The following VEGFC variants were observed in gnomAD, a reference collection of about 807,000 sequenced individuals.
The protein encoded by VEGFC is vascular endothelial growth factor C.
A neutral mutation model predicts 46.1 loss-of-function variants in VEGFC; 12 were observed. The ratio of observed to expected loss-of-function variants is 0.26; its 90% confidence interval spans 0.17 to 0.42. VEGFC has a LOEUF of 0.42. VEGFC is among the 10% of genes least tolerant of loss of function. VEGFC has a pLI of 1.00. For missense variants in VEGFC, 488 were observed against 529.4 expected (o/e 0.92, Z 0.77); for synonymous variants, 232 against 195.5 (o/e 1.19, Z -1.56).
intron 1 of VEGFC, among the ~76,000 whole-genome samples, chr4:176,739,422 A>C (rs1306454527): frequency 6.6e-6 from 1 of 152,004 alleles, no homozygotes; most frequent in Non-Finnish European, 1.5e-5. Flanking sequence ...ATAAAAAGGA[A>C]CGAGATCATG....
chr4:176,713,636 T>TCCAA (rs1296546881), intron 3 of VEGFC, among the ~76,000 whole-genome samples: 1 of 152,154 alleles, frequency 6.6e-6, no homozygotes, highest in Non-Finnish European at 1.5e-5. Flanking sequence ...CATGAACATT[T>TCCAA]AAGCTGTAAT....
rs1391553530 is a variant in VEGFC, at chr4:176,792,204, G to A, written c.108C>T (p.Leu36=). The A allele has an allele frequency of 6.4e-7, 1 of 1,554,814 alleles. No individual in the cohort carries two copies. Among genetic ancestry groups the A allele is most frequent in the East Asian group, 2.5e-5 (1 of 39,456 alleles). ...CGTCGGGCTCCGCGTCCGAGAGGTC[G>A]AGTCCGGACTCGAAGGCGGCGGCGG... The part of the protein sequence containing the change: ...PAAAAAFESG[L]DLSDAEPDAG... The change falls in exon 1 of 7, where the codon CTC becomes CTT. Residue 36 remains leucine, a synonymous_variant. Coordinates refer to ENST00000618562, the MANE Select transcript of VEGFC (RefSeq NM_005429.5). This position sits in a 1 kb window ranked among gnomAD's most constrained non-coding sequence, Gnocchi z 6.3.
chr4:176,778,117 A>AT (rs1156567825), intron 1 of VEGFC, among the ~76,000 whole-genome samples: 2 of 152,126 alleles, frequency 1.3e-5, no homozygotes, highest in Non-Finnish European at 1.5e-5. Flanking sequence ...TTCAAAATGA[A>AT]TTTTTTTCCC....
At chr4:176,740,183 A>G (rs1156564062) in intron 1 of VEGFC, among the ~76,000 whole-genome samples, 2 of 126,040 alleles carry the variant, frequency 1.6e-5, no homozygotes. Flanking sequence ...AACTATATAT[A>G]ACTATATATT....
At chr4:176,788,799 T>C (rs1281964076) in intron 1 of VEGFC, among the ~76,000 whole-genome samples, 1 of 152,164 alleles carries the variant, frequency 6.6e-6, no homozygotes, top group African/African-American at 2.4e-5. Context: ...GGACTGTTGG[T>C]ATATGCCATA....
intron 1 of VEGFC, among the ~76,000 whole-genome samples, chr4:176,735,420 A>G (rs1403831245): frequency 6.6e-6 from 1 of 151,910 alleles, no homozygotes; most frequent in Non-Finnish European, 1.5e-5. Flanking sequence ...ATTCTGACTC[A>G]TCGGTCTTTG....
chr4:176,696,981 G>A (rs111762679), intron 4 of VEGFC, among the ~76,000 whole-genome samples: 30,819 of 145,856 alleles, frequency 0.21, 5,503 homozygotes, highest in African/African-American at 0.5. Flanking sequence ...ACAAAAATCA[G>A]TTCAAGATGG....
intron 1 of VEGFC, among the ~76,000 whole-genome samples, chr4:176,756,066 C>T (rs989743007): frequency 2.0e-5 from 3 of 151,994 alleles, no homozygotes; most frequent in African/African-American, 7.2e-5. Flanking sequence ...AGGTCTGAAA[C>T]ACATGAGCTC....
intron 1 of VEGFC, among the ~76,000 whole-genome samples, chr4:176,757,260 T>C (rs1016044330): frequency 1.3e-5 from 2 of 152,062 alleles, no homozygotes; most frequent in African/African-American, 4.8e-5. Flanking sequence ...GGAACACACA[T>C]GTGTACTTGT....
chr4:176,708,535 G>C (rs978207210), intron 4 of VEGFC, among the ~76,000 whole-genome samples: 1 of 152,064 alleles, frequency 6.6e-6, no homozygotes, highest in East Asian at 1.9e-4. Context: ...CCTTGGGGTT[G>C]TGATAATGAG....
At chr4:176,742,129 T>C (rs184797649) in intron 1 of VEGFC, among the ~76,000 whole-genome samples, 40 of 152,110 alleles carry the variant, frequency 2.6e-4, no homozygotes, top group Admixed American at 7.2e-4. Flanking sequence ...ACTGTTTCCA[T>C]CTTTATGTGC....
intron 3 of VEGFC, among the ~76,000 whole-genome samples, chr4:176,722,216 C>A (rs1734799179): frequency 6.6e-6 from 1 of 151,894 alleles, no homozygotes; most frequent in Non-Finnish European, 1.5e-5. Context: ...ATTTTTCACA[C>A]AAGCAAATGA....
At chr4:176,724,898 T>C (rs1346783293) in intron 3 of VEGFC, among the ~76,000 whole-genome samples, 9 of 152,026 alleles carry the variant, frequency 5.9e-5, no homozygotes, top group Non-Finnish European at 2.9e-5. Context: ...AGAATACTGA[T>C]TATCAGAGGC....
At chr4:176,706,582 C>G (rs1379325911) in intron 4 of VEGFC, among the ~76,000 whole-genome samples, 2 of 117,460 alleles carry the variant, frequency 1.7e-5, no homozygotes, top group Non-Finnish European at 3.2e-5. Flanking sequence ...GCTGAGATCA[C>G]GTCATTGTAC....
chr4:176,746,384 G>C (rs1041501406), intron 1 of VEGFC, among the ~76,000 whole-genome samples: 10 of 152,078 alleles, frequency 6.6e-5, no homozygotes, highest in African/African-American at 2.4e-4. Context: ...CAGAGAGAAA[G>C]ATGTGAAATC....
At chr4:176,743,738 T>C (rs1735216661) in intron 1 of VEGFC, among the ~76,000 whole-genome samples, 1 of 151,884 alleles carries the variant, frequency 6.6e-6, no homozygotes, top group Non-Finnish European at 1.5e-5. Flanking sequence ...CATATGGATA[T>C]AAATGTATGT....
intron 1 of VEGFC, among the ~76,000 whole-genome samples, chr4:176,781,883 A>G (rs1307551761): frequency 6.6e-6 from 1 of 152,228 alleles, no homozygotes; most frequent in Non-Finnish European, 1.5e-5. Flanking sequence ...TGCTTGCCTG[A>G]AGCAGATTAA....
In VEGFC at chr4:176,769,578, G is replaced by A. The variant is rs533198381; in HGVS notation, c.147+22587C>T. ...AGATTAATTTTATTCCATCTGTGGG[G>A]CCTTTGGTCACAAAACCTCAAATGA... On this transcript the variant is annotated intron_variant, in intron 1 of 6. Transcript: ENST00000618562. Among the ~76,000 whole-genome samples, 9 of 152,198 alleles carry A rather than the reference G, an allele frequency of 5.9e-5. No individual in the cohort carries two copies. In the South Asian group the frequency reaches 1.7e-3, roughly 28 times the overall value.
intron 1 of VEGFC, among the ~76,000 whole-genome samples, chr4:176,759,731 T>C (rs1351158448): frequency 6.1e-5 from 4 of 65,690 alleles, no homozygotes; most frequent in African/African-American, 7.9e-5. Flanking sequence ...TTCTCATTTT[T>C]AAAAAGTAAA....
Sources: allele counts gnomAD v4.1 joint callset (sites outside exome capture counted in the v4.1 genomes callset), GRCh38; gene constraint gnomAD v4.1.1; non-coding constraint Gnocchi (gnomAD v3.1); transcripts MANE v1.5; gene names NCBI Gene and HGNC (gene_info 2026-07-23, HGNC 2026-07-21).